Variants in TRIM63 observed in about 807,000 individuals in gnomAD.
The protein encoded by TRIM63 is tripartite motif containing 63, also known as E3 ubiquitin-protein ligase TRIM63.
In TRIM63, 48 loss-of-function variants were observed where a neutral mutation model predicts 46.0. The ratio of observed to expected loss-of-function variants is 1.04; its 90% CI spans 0.83 to 1.33. The LOEUF (loss-of-function observed/expected upper bound fraction) is 1.33. TRIM63 is among the 40% of genes most tolerant of loss of function. The pLI, the probability that TRIM63 is intolerant of heterozygous loss-of-function variation, is 0.00. For missense variants in TRIM63, 455 were observed against 441.2 expected (o/e 1.03, Z -0.28); for synonymous variants, 175 against 162.8 (o/e 1.08, Z -0.57).
Position 26,062,682 on chromosome 1 carries a change from TCCTTGAGA to T in TRIM63, c.333-1356_333-1349del, listed in dbSNP as rs1326955895. 1.8e-4 allele frequency among the ~76,000 whole-genome samples: 28 copies of T among 152,334 alleles called. 1 individual carries two copies. In the South Asian group the frequency reaches 5.8e-3, roughly 32 times the overall value. The stretch of plus-strand genomic sequence containing the variant: ...CACATATGCTTAGAACTACCTTTCT[TCCTTGAGA>T]CCTCCAACCTGTTATTTGTGCTTCT... On this transcript the variant is annotated intron_variant, in intron 2 of 8. Transcript: ENST00000374272.
chr1:26,061,057 T>C, intron 3 of TRIM63, 109 bp downstream of exon 3: 1 of 1,259,020 alleles, frequency 7.9e-7, no homozygotes, highest in East Asian at 2.5e-5. Context: ...AGAGAGACTA[T>C]TCCTGAAAGG....
chr1:26,054,077 TCAAACGGCCA>T, intron 7 of TRIM63, 113 bp from the exon 8 acceptor site: 1 of 694,014 alleles, frequency 1.4e-6, no homozygotes, highest in Non-Finnish European at 2.3e-6. Flanking sequence ...CCCAGTCGGG[TCAAACGGCCA>T]CACAGCGGCG....
intron 2 of TRIM63, among the ~76,000 whole-genome samples, chr1:26,063,717 G>A (rs532449926): frequency 6.6e-6 from 1 of 152,304 alleles, no homozygotes; most frequent in South Asian, 2.1e-4. Flanking sequence ...TTGCCTGTGG[G>A]ATTCCTCCCA....
intron 4 of TRIM63, among the ~76,000 whole-genome samples, chr1:26,059,341 T>G (rs2050601753): frequency 6.6e-6 from 1 of 152,088 alleles, no homozygotes; most frequent in African/African-American, 2.4e-5. Flanking sequence ...CTTTTAGCTG[T>G]GTTTCCCTTT....
rs771451734 is a variant in TRIM63, at chr1:26,060,353, C to T, written c.510G>A (p.Leu170=). ...CCACCAGCATGGAGATACAGTTATTCAGTTCAGTCTAGATGGGGGTGTGGG... is the reference window on the plus strand; with the variant it reads ...CCACCAGCATGGAGATACAGTTATTTAGTTCAGTCTAGATGGGGGTGTGGG... ...QSVFQGQKTE[L]NNCISMLVAG... is the part of the protein sequence containing the mutation. The change falls in exon 4 of 9, where the codon CTG becomes CTA. Residue 170 remains leucine (L), a synonymous_variant. Coordinates refer to ENST00000374272, the MANE Select transcript of TRIM63 (RefSeq NM_032588.4). 3 of 1,613,706 alleles carry T rather than the reference C, an allele frequency of 1.9e-6. No homozygotes were observed. Among genetic ancestry groups the T allele is most frequent in the East Asian group, 2.2e-5 (1 of 44,868 alleles).
At chr1:26,061,139 G>T in intron 3 of TRIM63, 27 bp downstream of exon 3, 2 of 1,608,092 alleles carry the variant, frequency 1.2e-6, no homozygotes, top group Non-Finnish European at 1.7e-6. Context: ...GGCCCAGGCT[G>T]GGGGTAAAAG....
At chr1:26,057,480 G>T (rs369132545) in intron 6 of TRIM63, 148 bp downstream of exon 6, 2 of 1,382,720 alleles carry the variant, frequency 1.4e-6, no homozygotes, top group Non-Finnish European at 2.0e-6. Context: ...ACAAGGAGTG[G>T]TCCAAAAAGT....
chr1:26,061,134 A>T lies in TRIM63; in HGVS notation c.501+32T>A, dbSNP rs41311276. ...TCATCAGGCCGTGCCCAGCAGGCCC[A>T]GGCTGGGGGTAAAAGTGGCTGGAGA... On this transcript the variant is annotated intron_variant, in intron 3 of 8. Coordinates refer to ENST00000374272, the MANE Select transcript of TRIM63 (RefSeq NM_032588.4). The T allele has an allele frequency of 3.6e-5, 58 of 1,604,686 alleles. No homozygotes were observed. The African/African-American group carries it at 6.8e-4, about 19-fold the overall frequency.
chr1:26,060,490 G>T (rs2050613807), intron 3 of TRIM63, 129 bp from the exon 4 acceptor site: 2 of 670,144 alleles, frequency 3.0e-6, no homozygotes, highest in Non-Finnish European at 2.7e-6. Flanking sequence ...TAGGGATCTG[G>T]CCCCTCTTTC....
intron 2 of TRIM63, among the ~76,000 whole-genome samples, chr1:26,062,409 TC>T (rs2050634509): frequency 6.6e-6 from 1 of 151,992 alleles, no homozygotes; most frequent in Non-Finnish European, 1.5e-5. Flanking sequence ...CACCACAGAG[TC>T]AGTCATACCC....
intron 5 of TRIM63, 88 bp from the exon 6 acceptor site, chr1:26,057,738 T>C: frequency 7.1e-7 from 1 of 1,407,942 alleles, no homozygotes. Flanking sequence ...GTGTTGTAGG[T>C]AGATATTTGG....
In TRIM63 at chr1:26,065,170, C is replaced by T. The variant is rs1294197274; in HGVS notation, c.332+1098G>A. ...TCCTAAGTAGCTGGGATGACAGGCA[C>T]GCGCCACCACGCCTGGCTAATTTTT... On this transcript the variant is annotated intron_variant, in intron 2 of 8. Transcript: ENST00000374272. Among the ~76,000 whole-genome samples the T allele has an allele frequency of 4.6e-5, 7 of 151,988 alleles. No individual in the cohort carries two copies. The East Asian group carries it at 7.7e-4, about 17-fold the overall frequency.
At chr1:26,053,991 G>T (rs763372130) in intron 7 of TRIM63, 27 bp from the exon 8 acceptor site, 3 of 1,541,726 alleles carry the variant, frequency 1.9e-6, no homozygotes, top group South Asian at 1.2e-5. Context: ...TTTGTGTTAG[G>T]ATGGGGCCGG....
chr1:26,061,721 A>G (rs114428841), intron 2 of TRIM63, among the ~76,000 whole-genome samples: 3,015 of 152,342 alleles, frequency 0.02, 44 homozygotes, highest in Non-Finnish European at 0.033. Context: ...GACTCGTCCA[A>G]GGTCATACAG....
At chr1:26,054,395 C>T (rs2050550758) in intron 7 of TRIM63, among the ~76,000 whole-genome samples, 1 of 152,190 alleles carries the variant, frequency 6.6e-6, no homozygotes, top group South Asian at 2.1e-4. Context: ...ATGAGATCTG[C>T]TTGTTCAGCA....
At position 26,066,429 on chromosome 1, in the gene TRIM63, G is replaced by T; in HGVS notation, c.171C>A (p.Pro57=). The T allele has an allele frequency of 6.3e-7, 1 of 1,583,236 alleles. No individual in the cohort carries two copies. Among genetic ancestry groups the T allele is most frequent in the South Asian group, 1.1e-5 (1 of 87,636 alleles). The part of the protein sequence containing the change: ...CANDIFQAAN[P]YWTSRGSSVS... ...CTGAGCTGCCCCGGCTGGTCCAGTA[G>T]GGATTTGCAGCCTGCAGGTGGCAAA... Residue 57 remains proline (P), a synonymous_variant, in exon 2 of 9, where the codon CCC becomes CCA. Transcript: ENST00000374272.
intron 1 of TRIM63, 28 bp from the exon 2 acceptor site, chr1:26,066,468 C>T (rs772795498): frequency 9.8e-6 from 15 of 1,531,768 alleles, no homozygotes; most frequent in Non-Finnish European, 1.3e-5. Flanking sequence ...CAAGGTGAGG[C>T]CTGGGCTCCC....
At chr1:26,060,567 G>A (rs145936534) in intron 3 of TRIM63, among the ~76,000 whole-genome samples, 149 of 152,300 alleles carry the variant, frequency 9.8e-4, no homozygotes, top group Admixed American at 1.8e-3. Flanking sequence ...TACAGGTGAG[G>A]CCAACAGCAG....
rs943300440 is a variant in TRIM63 at position 26,053,780 on chromosome 1, A to G, written c.1051+113T>C. ...TAGGGTTAAAGCACGTGCTGGGGACAGTTCTGAGCGTCATTGCCAATGTCT... is the reference window on the plus strand; with the variant it reads ...TAGGGTTAAAGCACGTGCTGGGGACGGTTCTGAGCGTCATTGCCAATGTCT... On this transcript the variant is annotated intron_variant, in intron 8 of 8. Coordinates refer to ENST00000374272, the MANE Select transcript of TRIM63 (RefSeq NM_032588.4). 8.8e-6 allele frequency: 7 copies of G among 792,796 alleles called. No individual in the cohort carries two copies. In the Admixed American group the frequency reaches 1.3e-4, roughly 15 times the overall value. The allele number at this position is 792,796 out of a possible 1,614,324, so 49.1% of individuals were successfully genotyped here. A position where few individuals can be genotyped will look rare whatever the true frequency, so the allele number is the denominator to read the frequency against.
Sources: allele counts gnomAD v4.1 joint callset (sites outside exome capture counted in the v4.1 genomes callset), GRCh38; gene constraint gnomAD v4.1.1; transcripts MANE v1.5; gene names NCBI Gene and HGNC (gene_info 2026-07-23, HGNC 2026-07-21).